The following CNTNAP5 variants were observed in gnomAD, a reference collection of about 807,000 sequenced individuals.
CNTNAP5 encodes contactin associated protein family member 5.
A neutral mutation model predicts 150.2 loss-of-function variants in CNTNAP5; 72 were observed. The observed-to-expected ratio is 0.48, with a 90% confidence interval of 0.40 to 0.58. The LOEUF is 0.58. Among genes scored for constraint, CNTNAP5 ranks in the 20% least tolerant of loss-of-function variants. The pLI is 0.00. For missense variants in CNTNAP5, 1,636 were observed against 1,626.2 expected (o/e 1.01, Z -0.10); for synonymous variants, 672 against 619.8 (o/e 1.08, Z -1.25).
intron 3 of CNTNAP5, among the ~76,000 whole-genome samples, chr2:124,250,330 C>T (rs1026204026): frequency 6.6e-6 from 1 of 152,040 alleles, no homozygotes; most frequent in Non-Finnish European, 1.5e-5. Flanking sequence ...CTTTGAGCAA[C>T]AGTGCGTAAA....
At chr2:124,785,041 G>GAAAAAAAAAAAAAAAAAA (rs67254743) in intron 17 of CNTNAP5, among the ~76,000 whole-genome samples, 1 of 123,526 alleles carries the variant, frequency 8.1e-6, no homozygotes, top group East Asian at 2.4e-4. Flanking sequence ...TTAAGGCTGA[G>GAAAAAAAAAAAAAAAAAA]AAAAAAAAAA....
intron 19 of CNTNAP5, among the ~76,000 whole-genome samples, chr2:124,814,447 A>C (rs1228762816): frequency 6.6e-6 from 1 of 152,104 alleles, no homozygotes; most frequent in East Asian, 1.9e-4. Context: ...CTATGATCTG[A>C]ATTCCAGGAC....
rs141702129 is a variant in CNTNAP5 at position 124,750,596 on chromosome 2, C to T, written c.2234+3211C>T. On this transcript the variant is annotated intron_variant, in intron 14 of 23. Coordinates refer to ENST00000682447, the MANE Select transcript of CNTNAP5 (RefSeq NM_001367498.1). Reference sequence around the variant, plus strand: ...TGTGCAGAGAAAGTCAGGGGCATTACGGTCCCTGCCCTTGAGGAACCCTCA... The same window carrying T: ...TGTGCAGAGAAAGTCAGGGGCATTATGGTCCCTGCCCTTGAGGAACCCTCA... Among the ~76,000 whole-genome samples, 988 of 152,226 alleles carry T rather than the reference C, an allele frequency of 6.5e-3. 26 individuals carry two copies. Among genetic ancestry groups the T allele is most frequent in the Admixed American group, 0.053 (814 of 15,294 alleles).
At chr2:124,311,830 T>A (rs1558845352) in intron 3 of CNTNAP5, among the ~76,000 whole-genome samples, 2 of 152,190 alleles carry the variant, frequency 1.3e-5, no homozygotes, top group Non-Finnish European at 2.9e-5. Flanking sequence ...TAAAACATGA[T>A]CTCTGCCCTT....
At chr2:124,516,655 G>A (rs1008064143) in intron 8 of CNTNAP5, among the ~76,000 whole-genome samples, 1 of 152,154 alleles carries the variant, frequency 6.6e-6, no homozygotes, top group Non-Finnish European at 1.5e-5. Flanking sequence ...TCTTGTGTGT[G>A]GCTGTCATGG....
intron 1 of CNTNAP5, among the ~76,000 whole-genome samples, chr2:124,074,191 G>C (rs1682381434): frequency 6.6e-6 from 1 of 152,046 alleles, no homozygotes; most frequent in Non-Finnish European, 1.5e-5. Flanking sequence ...CAGAGGCTGG[G>C]AAGGGTAGTG....
At chr2:124,570,864 G>A (rs7420022) in intron 11 of CNTNAP5, among the ~76,000 whole-genome samples, 50,365 of 152,018 alleles carry the variant, frequency 0.33, 10,482 homozygotes, top group East Asian at 0.89. Context: ...CTCATGGATG[G>A]AGAATGGAGT....
chr2:124,655,937 G>GAAAGAAAGAA (rs1553427772), intron 13 of CNTNAP5, among the ~76,000 whole-genome samples: 10 of 52,394 alleles, frequency 1.9e-4, no homozygotes, highest in African/African-American at 6.3e-4. Flanking sequence ...GAGAGAGAGA[G>GAAAGAAAGAA]AGAGAGAGAG....
intron 8 of CNTNAP5, among the ~76,000 whole-genome samples, chr2:124,520,494 CT>C (rs1196364834): frequency 6.6e-6 from 1 of 152,156 alleles, no homozygotes; most frequent in Non-Finnish European, 1.5e-5. Flanking sequence ...ATAAAATTGA[CT>C]GTTTCCCTCT....
intron 11 of CNTNAP5, among the ~76,000 whole-genome samples, chr2:124,593,160 G>A (rs1005430088): frequency 6.1e-5 from 9 of 146,438 alleles, no homozygotes; most frequent in African/African-American, 2.0e-4. Context: ...TATACTTTAA[G>A]TTTTAGGGTA....
intron 12 of CNTNAP5, among the ~76,000 whole-genome samples, chr2:124,620,505 T>C (rs1395864989): frequency 6.6e-6 from 1 of 152,116 alleles, no homozygotes; most frequent in Non-Finnish European, 1.5e-5. Flanking sequence ...GACTAATGGG[T>C]AGAAATATGA....
chr2:124,717,716 G>T lies in CNTNAP5; in HGVS notation c.2078-29513G>T, dbSNP rs183999707. ...GAATATTGGGAAATCTGACATAAAT[G>T]GTGTAAGCTATATTGGCCTGAACGA... On this transcript the variant is annotated intron_variant, in intron 13 of 23. Coordinates refer to ENST00000682447, the MANE Select transcript of CNTNAP5 (RefSeq NM_001367498.1). Among the ~76,000 whole-genome samples, 407 of 152,266 alleles carry T rather than the reference G, an allele frequency of 2.7e-3. 4 individuals are homozygous for T. Among genetic ancestry groups the T allele is most frequent in the African/African-American group, 9.2e-3 (384 of 41,556 alleles).
At chr2:124,479,273 C>A (rs1693712098) in intron 7 of CNTNAP5, among the ~76,000 whole-genome samples, 1 of 152,086 alleles carries the variant, frequency 6.6e-6, no homozygotes, top group South Asian at 2.1e-4. Flanking sequence ...CTGATAGTTT[C>A]CTGAAAATGA....
intron 1 of CNTNAP5, among the ~76,000 whole-genome samples, chr2:124,057,996 T>TA (rs1681903103): frequency 6.6e-6 from 1 of 152,092 alleles, no homozygotes; most frequent in African/African-American, 2.4e-5. Flanking sequence ...AATTATTTTT[T>TA]TAAAAATTAA....
rs141444326 is a variant in CNTNAP5 at position 124,920,630 on chromosome 2, A to T, written c.*6342A>T. Among the ~76,000 whole-genome samples the T allele has an allele frequency of 1.8e-3, 278 of 152,220 alleles. 2 individuals are homozygous for T. The highest frequency in any genetic ancestry group is 6.4e-3 in the African/African-American group (266 of 41,556). On this transcript the variant is annotated 3_prime_UTR_variant, in exon 24 of 24. Coordinates refer to ENST00000682447, the MANE Select transcript of CNTNAP5 (RefSeq NM_001367498.1). The stretch of plus-strand genomic sequence containing the variant: ...CTCCTGATATCCTGTGTTGCCTTGG[A>T]CTAACATTTTCCTTAGTCACTAGCC...
intron 10 of CNTNAP5, among the ~76,000 whole-genome samples, chr2:124,554,256 C>T (rs1695699891): frequency 6.6e-6 from 1 of 151,986 alleles, no homozygotes. Context: ...ATTTTATTAA[C>T]TTTCCAAGTT....
intron 19 of CNTNAP5, among the ~76,000 whole-genome samples, chr2:124,828,137 A>C (rs1366585152): frequency 6.6e-6 from 1 of 152,132 alleles, no homozygotes; most frequent in African/African-American, 2.4e-5. Flanking sequence ...TCTCTCAAAG[A>C]CTTTTTCAAA....
intron 3 of CNTNAP5, among the ~76,000 whole-genome samples, chr2:124,254,930 A>G (rs1208515283): frequency 1.3e-5 from 2 of 152,172 alleles, no homozygotes; most frequent in African/African-American, 4.8e-5. Flanking sequence ...CTTCCACTAG[A>G]TAAGATATTA....
chr2:124,129,070 T>A (rs1683785214), intron 1 of CNTNAP5, among the ~76,000 whole-genome samples: 1 of 147,898 alleles, frequency 6.8e-6, no homozygotes, highest in African/African-American at 2.5e-5. Context: ...TAAAAATAAA[T>A]AAATAAATAA....
Sources: allele counts gnomAD v4.1 joint callset (sites outside exome capture counted in the v4.1 genomes callset), GRCh38; gene constraint gnomAD v4.1.1; transcripts MANE v1.5; gene names NCBI Gene and HGNC (gene_info 2026-07-23, HGNC 2026-07-21).